Variants in PTK2B observed in about 807,000 individuals in gnomAD.
PTK2B encodes the protein protein tyrosine kinase 2 beta.
PTK2B carries 71 observed loss-of-function variants against 142.9 expected under a neutral mutation model. The ratio of observed to expected loss-of-function variants is 0.50; its 90% CI spans 0.41 to 0.61. The LOEUF (loss-of-function observed/expected upper bound fraction) is 0.61. Ranked by LOEUF, PTK2B falls within the 20% of genes least tolerant of loss-of-function variation. PTK2B has a pLI of 0.00. For missense variants in PTK2B, 1,105 were observed against 1,320.4 expected (o/e 0.84, Z 2.53); for synonymous variants, 519 against 503.4 (o/e 1.03, Z -0.42).
chr8:27,430,757 G>A (rs1298248129), intron 7 of PTK2B, 119 bp from the exon 8 acceptor site: 2 of 1,379,688 alleles, frequency 1.4e-6, no homozygotes, highest in Non-Finnish European at 2.0e-6. Flanking sequence ...AGCTGCTTTT[G>A]GGGCAAAGGC....
intron 1 of PTK2B, among the ~76,000 whole-genome samples, chr8:27,371,453 G>C (rs1563227888): frequency 6.6e-6 from 1 of 151,982 alleles, no homozygotes; most frequent in Non-Finnish European, 1.5e-5. Flanking sequence ...CCATTTCTTA[G>C]CTCTGTTACC....
chr8:27,314,829 T>C (rs1327237758), intron 3 of PTK2B, among the ~76,000 whole-genome samples: 1 of 152,202 alleles, frequency 6.6e-6, no homozygotes, highest in Non-Finnish European at 1.5e-5. Context: ...CAGTCCCAGC[T>C]ACTCTGGAGG....
At chr8:27,407,809 C>T (rs962958803) in intron 2 of PTK2B, among the ~76,000 whole-genome samples, 7 of 152,154 alleles carry the variant, frequency 4.6e-5, no homozygotes, top group African/African-American at 1.7e-4. Context: ...ATCCTTCCCC[C>T]CTTACCCATC....
intron 1 of PTK2B, among the ~76,000 whole-genome samples, chr8:27,347,214 T>TA (rs3050365): frequency 0.039 from 5,528 of 141,816 alleles, 340 homozygotes; most frequent in African/African-American, 0.12. Flanking sequence ...CCATCTCTAC[T>TA]AAAAAAAAAA....
intron 1 of PTK2B, among the ~76,000 whole-genome samples, chr8:27,335,828 C>T (rs1374828687): frequency 6.6e-6 from 1 of 152,112 alleles, no homozygotes; most frequent in Non-Finnish European, 1.5e-5. Context: ...TATGTGCAAT[C>T]AGGGGGTGTG....
chr8:27,414,787 C>T (rs1809295964), intron 2 of PTK2B, among the ~76,000 whole-genome samples: 2 of 152,046 alleles, frequency 1.3e-5, no homozygotes, highest in South Asian at 2.1e-4. Context: ...TTTGCTCACT[C>T]CCCCCTTTGG....
chr8:27,412,508 G>A (rs1488443859), intron 2 of PTK2B, among the ~76,000 whole-genome samples: 2 of 152,110 alleles, frequency 1.3e-5, no homozygotes, highest in Admixed American at 6.5e-5. Flanking sequence ...ACCAGCAGTG[G>A]TGACATTGGT....
At chr8:27,344,376 C>A (rs557732252) in intron 1 of PTK2B, among the ~76,000 whole-genome samples, 16 of 152,322 alleles carry the variant, frequency 1.1e-4, no homozygotes, top group African/African-American at 3.6e-4. Flanking sequence ...TACTTCCCAG[C>A]CATGTGACCT....
chr8:27,453,421 G>A (rs1009225501), intron 28 of PTK2B, among the ~76,000 whole-genome samples: 4 of 152,200 alleles, frequency 2.6e-5, no homozygotes, highest in Admixed American at 2.6e-4. Context: ...CCCTGGTCCA[G>A]CTTCAGGGAA....
intron 29 of PTK2B, 102 bp from the exon 30 acceptor site, chr8:27,454,429 T>G: frequency 1.3e-6 from 2 of 1,549,678 alleles, no homozygotes; most frequent in Non-Finnish European, 1.8e-6. Flanking sequence ...CCCAGGCCAC[T>G]CGCGGGGGAC....
intron 2 of PTK2B, among the ~76,000 whole-genome samples, chr8:27,419,361 T>A (rs1809601986): frequency 6.6e-6 from 1 of 152,232 alleles, no homozygotes; most frequent in South Asian, 2.1e-4. Flanking sequence ...ATCCTCAGTC[T>A]AGTGTCCCAA....
At chr8:27,451,332 A>G (rs2251430) in intron 26 of PTK2B, among the ~76,000 whole-genome samples, 153 bp from the exon 27 acceptor site, 129,698 of 152,148 alleles carry the variant, frequency 0.85, 55,681 homozygotes, top group Middle Eastern at 0.94. Context: ...GAAAGGTCAC[A>G]TTGGGTCACG....
At chr8:27,322,242 A>G (rs1162577867), upstream of PTK2B, among the ~76,000 whole-genome samples, 1 of 152,192 alleles carries the variant, frequency 6.6e-6, no homozygotes, top group Non-Finnish European at 1.5e-5. Context: ...ATAATAGTAA[A>G]TTTACATGAT....
At chr8:27,405,831 G>C (rs7000439) in intron 2 of PTK2B, among the ~76,000 whole-genome samples, 3,801 of 152,264 alleles carry the variant, frequency 0.025, 170 homozygotes, top group African/African-American at 0.087. Context: ...ATGCTTTCAG[G>C]GTGTTAAGTT....
chr8:27,437,392 G>A lies in PTK2B; in HGVS notation c.1427-4G>A, dbSNP rs756797208. 3.7e-6 allele frequency: 6 copies of A among 1,610,598 alleles called. No individual in the cohort carries two copies. The highest frequency in any genetic ancestry group is 2.2e-5 in the South Asian group (2 of 90,596). ...CCTGTCCCTCTTGCCCCACCACACT[G>A]CAGTGATCATGAAGAACCTCGACCA... On this transcript the variant is annotated splice_polypyrimidine_tract_variant and splice_region_variant and intron_variant, in intron 16 of 30. Transcript: ENST00000346049.
intron 12 of PTK2B, 30 bp from the exon 13 acceptor site, chr8:27,434,483 A>T (rs1437469103): frequency 2.5e-6 from 4 of 1,600,940 alleles, no homozygotes; most frequent in Non-Finnish European, 3.4e-6. Context: ...CTCTGAGCTC[A>T]CCTGGCTTCT....
At position 27,435,776 on chromosome 8, in the gene PTK2B, C is replaced by T. The variant is rs763829281; in HGVS notation, c.1226C>T (p.Thr409Ile). Reference sequence around the variant, plus strand: ...ATCTACGCAGAGATTCCCGACGAAACCCTGCGAAGGCCCGGAGGTAGGTTC... The same window carrying T: ...ATCTACGCAGAGATTCCCGACGAAATCCTGCGAAGGCCCGGAGGTAGGTTC... ...SDIYAEIPDE[T>I]LRRPGGPQYG... is the part of the protein sequence containing the mutation. The change falls in exon 14 of 31, where the codon ACC becomes ATC. Residue 409 changes from threonine to isoleucine, a missense_variant. Transcript: ENST00000346049. 1.9e-6 allele frequency: 3 copies of T among 1,614,144 alleles called. No individual in the cohort carries two copies. The highest frequency in any genetic ancestry group is 2.5e-6 in the Non-Finnish European group (3 of 1,180,034).
chr8:27,415,012 G>A (rs1809313262), intron 2 of PTK2B, among the ~76,000 whole-genome samples: 1 of 152,198 alleles, frequency 6.6e-6, no homozygotes, highest in African/African-American at 2.4e-5. Context: ...GGTTTACAGA[G>A]CACCAGTCTG....
chr8:27,419,589 T>C (rs1466837914), intron 2 of PTK2B, among the ~76,000 whole-genome samples: 1 of 152,190 alleles, frequency 6.6e-6, no homozygotes, highest in Non-Finnish European at 1.5e-5. Flanking sequence ...TGTTCCGTAA[T>C]TATTAATTGG....
Sources: allele counts gnomAD v4.1 joint callset (sites outside exome capture counted in the v4.1 genomes callset), GRCh38; gene constraint gnomAD v4.1.1; transcripts MANE v1.5; gene names NCBI Gene and HGNC (gene_info 2026-07-23, HGNC 2026-07-21).